Variants in BCKDHB observed in about 807,000 individuals in gnomAD.
BCKDHB encodes the protein branched chain keto acid dehydrogenase E1 subunit beta.
A neutral mutation model predicts 48.5 loss-of-function variants in BCKDHB; 41 were observed. The observed-to-expected ratio is 0.85, with a 90% CI of 0.66 to 1.10. The LOEUF (loss-of-function observed/expected upper bound fraction) is 1.10. Ranked by LOEUF, BCKDHB falls within the 50% of genes least tolerant of loss-of-function variation. The probability of loss-of-function intolerance (pLI) is 0.00; values close to 1 mark genes in which losing one functional copy is unlikely to be tolerated. For synonymous variants in BCKDHB, 201 were observed against 174.8 expected, an observed-to-expected ratio of 1.15 and a Z score of -1.18; for missense variants, 496 against 494.2, an observed-to-expected ratio of 1.00 and a Z score of -0.03.
chr6:80,242,824 G>C (rs959241485), intron 8 of BCKDHB, among the ~76,000 whole-genome samples: 2 of 151,406 alleles, frequency 1.3e-5, no homozygotes, highest in African/African-American at 4.8e-5. Context: ...ACTGGTACTG[G>C]GGCATCAGGC....
chr6:80,138,058 G>A (rs1770981571), intron 3 of BCKDHB, among the ~76,000 whole-genome samples: 1 of 151,998 alleles, frequency 6.6e-6, no homozygotes, highest in Non-Finnish European at 1.5e-5. Flanking sequence ...GTCTAGCCTG[G>A]GTGATAGAAG....
At chr6:80,179,628 G>T (rs1421319083) in intron 6 of BCKDHB, among the ~76,000 whole-genome samples, 1 of 152,136 alleles carries the variant, frequency 6.6e-6, no homozygotes, top group Non-Finnish European at 1.5e-5. Flanking sequence ...AGGGATGACT[G>T]CACTATTCAT....
At chr6:80,209,596 C>G (rs968363561) in intron 8 of BCKDHB, among the ~76,000 whole-genome samples, 2 of 151,876 alleles carry the variant, frequency 1.3e-5, no homozygotes, top group Non-Finnish European at 2.9e-5. Context: ...GTAGTTTTCT[C>G]AATAGAGGAT....
chr6:80,196,602 G>T (rs1385948797), intron 6 of BCKDHB, among the ~76,000 whole-genome samples: 1 of 152,118 alleles, frequency 6.6e-6, no homozygotes, highest in Non-Finnish European at 1.5e-5. Flanking sequence ...TGAGTATGCA[G>T]CAACTATTCA....
chr6:80,451,764 A>G, the BCKDHB span, among the ~76,000 whole-genome samples: 1 of 151,822 alleles, frequency 6.6e-6, no homozygotes, highest in Non-Finnish European at 1.5e-5. Context: ...GACATTATTT[A>G]TCACAGTATC....
the BCKDHB span, among the ~76,000 whole-genome samples, chr6:80,417,718 T>C: frequency 2.0e-5 from 3 of 152,300 alleles, no homozygotes; most frequent in East Asian, 3.9e-4. Context: ...AGTCTGATGA[T>C]CTTCCTTTTG....
At chr6:80,154,347 G>A (rs1771935000) in intron 3 of BCKDHB, among the ~76,000 whole-genome samples, 1 of 152,150 alleles carries the variant, frequency 6.6e-6, no homozygotes, top group Non-Finnish European at 1.5e-5. Context: ...CAGAATCAGA[G>A]CCTCTGGTGG....
chr6:80,380,771 A>T, the BCKDHB span, among the ~76,000 whole-genome samples: 1 of 152,020 alleles, frequency 6.6e-6, no homozygotes, highest in African/African-American at 2.4e-5. Flanking sequence ...AACTGGGCAA[A>T]GGAGATGAAC....
chr6:80,166,771 G>A (rs1032434522), intron 3 of BCKDHB, among the ~76,000 whole-genome samples: 5 of 152,072 alleles, frequency 3.3e-5, no homozygotes, highest in African/African-American at 1.2e-4. Context: ...AAAATTTGTT[G>A]AGATTGGATT....
At chr6:80,307,006 T>C (rs1767916531) in intron 9 of BCKDHB, among the ~76,000 whole-genome samples, 1 of 152,190 alleles carries the variant, frequency 6.6e-6, no homozygotes, top group African/African-American at 2.4e-5. Context: ...ATCCCAGATA[T>C]GTTCCTCATA....
At chr6:80,407,565 T>C in the BCKDHB span, among the ~76,000 whole-genome samples, 3 of 152,236 alleles carry the variant, frequency 2.0e-5, no homozygotes, top group African/African-American at 7.2e-5. Context: ...GAAGATGTCC[T>C]TCACAATTCT....
At chr6:80,213,663 T>G (rs1031649443) in intron 8 of BCKDHB, among the ~76,000 whole-genome samples, 5 of 141,156 alleles carry the variant, frequency 3.5e-5, no homozygotes, top group African/African-American at 6.4e-5. Context: ...GAAGTGTTTT[T>G]TTTTGTTTTT....
At chr6:80,432,543 G>A in the BCKDHB span, among the ~76,000 whole-genome samples, 3 of 151,970 alleles carry the variant, frequency 2.0e-5, no homozygotes, top group East Asian at 1.9e-4. Flanking sequence ...GGTCATTTAT[G>A]TTCTCTAAAC....
the BCKDHB span, among the ~76,000 whole-genome samples, chr6:80,399,120 C>A: frequency 6.6e-6 from 1 of 152,010 alleles, no homozygotes; most frequent in Non-Finnish European, 1.5e-5. Context: ...ATAATAAGGG[C>A]CATCTATGAA....
Position 80,200,947 on chromosome 6 carries a change from T to C in BCKDHB, c.756T>C (p.Pro252=). Residue 252 remains proline, a synonymous_variant, in exon 7 of 10, where the codon CCT becomes CCC. Coordinates refer to ENST00000320393, the MANE Select transcript of BCKDHB (RefSeq NM_183050.4). ...ILYRAAAEEV[P]IEPYNIPLSQ... ...TTCTGTATTTAGCGGAAGAAGTCCC[T>C]ATAGAACCATACAACATCCCACTGT... The C allele has an allele frequency of 6.2e-7, 1 of 1,610,152 alleles. No homozygotes were observed. The highest frequency in any genetic ancestry group is 8.5e-7 in the Non-Finnish European group (1 of 1,176,724).
chr6:80,438,658 TTG>T, the BCKDHB span, among the ~76,000 whole-genome samples: 3 of 152,204 alleles, frequency 2.0e-5, no homozygotes, highest in African/African-American at 7.2e-5. Flanking sequence ...AAATATACAC[TTG>T]TGTTTCTAGC....
chr6:80,339,181 C>A (rs1769765208), intron 9 of BCKDHB, among the ~76,000 whole-genome samples: 1 of 152,090 alleles, frequency 6.6e-6, no homozygotes, highest in African/African-American at 2.4e-5. Context: ...CTGTGAAAAC[C>A]TTAATATATG....
At position 80,273,226 on chromosome 6, in the gene BCKDHB, A is replaced by G. The variant is rs569868468; in HGVS notation, c.1038+5A>G. ...GAAATCAGCTCTACAGTTCAGGTAG[A>G]GTAATTTTTGGAACTGATTTCAATG... On this transcript the variant is annotated splice_donor_5th_base_variant and intron_variant, in intron 9 of 9. Transcript: ENST00000320393. 1 of 1,612,532 alleles carries G rather than the reference A, an allele frequency of 6.2e-7. No homozygotes were observed. The highest frequency in any genetic ancestry group is 8.5e-7 in the Non-Finnish European group (1 of 1,178,916).
Position 80,205,030 on chromosome 6 carries a change from C to T in BCKDHB, c.951+1818C>T, listed in dbSNP as rs533941717. ...TTGTTTTGTTTTGGGATGCTTTCAT[C>T]CGGTTGTGACAGTGAAAGCCAGCTT... On this transcript the variant is annotated intron_variant, in intron 8 of 9. Coordinates refer to ENST00000320393, the MANE Select transcript of BCKDHB (RefSeq NM_183050.4). 3.3e-4 allele frequency among the ~76,000 whole-genome samples: 50 copies of T among 152,188 alleles called. No individual in the cohort carries two copies. The Middle Eastern group carries it at 0.01, about 31-fold the overall frequency.
Sources: gnomAD v4.1 joint callset for allele counts (sites outside exome capture counted in the v4.1 genomes callset) on GRCh38, gnomAD v4.1.1 for gene constraint, MANE v1.5 for transcripts, NCBI Gene and HGNC (gene_info 2026-07-23, HGNC 2026-07-21) for gene names.